MEGF11: variants seen among roughly 807,000 people sequenced by gnomAD.
MEGF11 encodes the protein multiple EGF like domains 11, also known as multiple epidermal growth factor-like domains protein 11.
In MEGF11, 126 loss-of-function variants were observed where a neutral mutation model predicts 146.6. The ratio of observed to expected loss-of-function variants is 0.86; its 90% CI spans 0.74 to 1.00. The LOEUF (loss-of-function observed/expected upper bound fraction) is 1.00, where lower values mean the gene tolerates loss of function less well. MEGF11 is among the 50% of genes least tolerant of loss of function. The probability of loss-of-function intolerance (pLI) is 0.00; values close to 1 mark genes in which losing one functional copy is unlikely to be tolerated. For missense variants in MEGF11, 1,509 were observed against 1,521.2 expected, an observed-to-expected ratio of 0.99 and a Z score of 0.13; for synonymous variants, 532 against 583.4, an observed-to-expected ratio of 0.91 and a Z score of 1.27.
chr15:66,142,236 G>C (rs1282916365), intron 1 of MEGF11, among the ~76,000 whole-genome samples: 1 of 152,174 alleles, frequency 6.6e-6, no homozygotes, highest in Non-Finnish European at 1.5e-5. Context: ...CTTAATTTTA[G>C]GCTTTGCTCA....
intron 5 of MEGF11, among the ~76,000 whole-genome samples, chr15:66,019,596 G>A (rs1421070787): frequency 6.6e-6 from 1 of 152,134 alleles, no homozygotes; most frequent in Non-Finnish European, 1.5e-5. Flanking sequence ...TTCCAGCCCC[G>A]CAGCCAGCAG....
rs28608506 is a variant in MEGF11, at chr15:65,976,404, A to C, written c.762+4374T>G. The stretch of plus-strand genomic sequence containing the variant: ...GAATGTGACTGTATTTGGAAACAGG[A>C]CCTTTACATAGGTAATCAAGTTAAG... On this transcript the variant is annotated intron_variant, in intron 7 of 25. Coordinates refer to ENST00000395614, the MANE Select transcript of MEGF11 (RefSeq NM_001385028.1). 9.9e-3 allele frequency among the ~76,000 whole-genome samples: 1,510 copies of C among 152,252 alleles called. 24 individuals are homozygous for C. The highest frequency in any genetic ancestry group is 0.033 in the African/African-American group (1,362 of 41,546).
intron 15 of MEGF11, among the ~76,000 whole-genome samples, chr15:65,918,795 C>T (rs2079083289): frequency 6.6e-6 from 1 of 152,212 alleles, no homozygotes; most frequent in African/African-American, 2.4e-5. Flanking sequence ...CTGGTTTCCT[C>T]AGTCAGGCTG....
chr15:66,171,059 C>T (rs1355980426), intron 1 of MEGF11, among the ~76,000 whole-genome samples: 2 of 152,218 alleles, frequency 1.3e-5, no homozygotes, highest in Non-Finnish European at 2.9e-5. Flanking sequence ...GAAAAGCACC[C>T]CAGGAAGTCA....
In MEGF11 at chr15:66,128,322, A is replaced by T. The variant is rs1259251022; in HGVS notation, c.82T>A (p.Cys28Ser). 1 of 1,518,650 alleles carries T rather than the reference A, an allele frequency of 6.6e-7. No homozygotes were observed. Among genetic ancestry groups the T allele is most frequent in the Non-Finnish European group, 8.8e-7 (1 of 1,131,884 alleles). 94.1% of individuals were successfully genotyped at this position (1,518,650 alleles called of 1,614,324 possible). A position where few individuals can be genotyped will look rare whatever the true frequency, so the allele number is the denominator to read the frequency against. The change falls in exon 2 of 26, where the codon TGC (cysteine) becomes AGC (serine). Residue 28 changes from cysteine to serine, a missense_variant. Physicochemically the swap from Cys to Ser is moderately radical, Grantham distance 112. Transcript: ENST00000395614. Reference sequence around the variant, plus strand: ...ACACCTTACCTCTCCCAGTGGCTGCACACGTTGGGGTCCTCGGGGTTCAGG... The same window carrying T: ...ACACCTTACCTCTCCCAGTGGCTGCTCACGTTGGGGTCCTCGGGGTTCAGG... ...LALNPEDPNV[C>S]SHWESYAVTV...
intron 5 of MEGF11, among the ~76,000 whole-genome samples, chr15:66,074,030 C>A (rs1156839522): frequency 6.6e-6 from 1 of 152,156 alleles, no homozygotes; most frequent in Non-Finnish European, 1.5e-5. Flanking sequence ...CAGATCTTAA[C>A]ATCCTCCAGT....
chr15:65,986,513 G>A (rs180863100), intron 5 of MEGF11, among the ~76,000 whole-genome samples: 1 of 152,116 alleles, frequency 6.6e-6, no homozygotes, highest in Non-Finnish European at 1.5e-5. Flanking sequence ...CAATGTTAGG[G>A]TTCACAGGGA....
intron 5 of MEGF11, among the ~76,000 whole-genome samples, chr15:66,026,616 T>A (rs530479068): frequency 2.6e-5 from 4 of 152,018 alleles, no homozygotes; most frequent in Non-Finnish European, 5.9e-5. Context: ...CCCAAGTAGC[T>A]GGGATTACAG....
intron 10 of MEGF11, among the ~76,000 whole-genome samples, chr15:65,942,684 T>A (rs1469254279): frequency 1.3e-5 from 2 of 151,910 alleles, no homozygotes; most frequent in Non-Finnish European, 2.9e-5. Flanking sequence ...TGGCCTCATC[T>A]CTCCCTGCTT....
intron 5 of MEGF11, among the ~76,000 whole-genome samples, chr15:66,025,322 G>T (rs142463115): frequency 2.0e-5 from 3 of 152,178 alleles, no homozygotes; most frequent in Middle Eastern, 3.4e-3. Flanking sequence ...TGAGTGGGGG[G>T]GCTCCTCGTG....
intron 9 of MEGF11, among the ~76,000 whole-genome samples, chr15:65,958,320 A>G (rs536443515): frequency 2.6e-5 from 4 of 152,238 alleles, no homozygotes; most frequent in African/African-American, 7.2e-5. Context: ...GCTCTTCTCC[A>G]TCTCCTGTTT....
At chr15:65,972,434 T>A (rs906309703) in intron 7 of MEGF11, among the ~76,000 whole-genome samples, 3 of 152,108 alleles carry the variant, frequency 2.0e-5, no homozygotes, top group Non-Finnish European at 4.4e-5. Flanking sequence ...ACAGGCTAGG[T>A]ATGGTGGCTC....
intron 7 of MEGF11, among the ~76,000 whole-genome samples, chr15:65,977,391 A>C (rs1340503574): frequency 6.6e-6 from 1 of 151,552 alleles, no homozygotes; most frequent in Non-Finnish European, 1.5e-5. Context: ...TCCAGGCCAC[A>C]GGCCGGGAAG....
At chr15:66,146,907 C>T (rs755185960) in intron 1 of MEGF11, among the ~76,000 whole-genome samples, 7 of 152,204 alleles carry the variant, frequency 4.6e-5, no homozygotes, top group Admixed American at 1.3e-4. Context: ...ATCTCCTCTG[C>T]CTTTGTTTTA....
chr15:66,199,818 A>G (rs1382053), intron 1 of MEGF11, among the ~76,000 whole-genome samples: 120,380 of 152,020 alleles, frequency 0.79, 48,214 homozygotes, highest in African/African-American at 0.92. Flanking sequence ...ACAAAAAAAG[A>G]TATGCTAACA....
chr15:66,143,441 C>A (rs1262756182), intron 1 of MEGF11, among the ~76,000 whole-genome samples: 3 of 152,194 alleles, frequency 2.0e-5, no homozygotes, highest in African/African-American at 7.2e-5. Context: ...CCCTGTCCAG[C>A]CCATTCACCA....
intron 21 of MEGF11, chr15:65,910,075 C>A: frequency 1.6e-6 from 1 of 613,492 alleles, no homozygotes; most frequent in East Asian, 3.3e-5. Context: ...GCCAAGCTGG[C>A]CCTGACAGAG....
chr15:66,116,192 G>A (rs2087720726), intron 4 of MEGF11, among the ~76,000 whole-genome samples: 1 of 152,174 alleles, frequency 6.6e-6, no homozygotes, highest in East Asian at 1.9e-4. Flanking sequence ...GAAGCAGGTG[G>A]CAGCATTCTC....
intron 1 of MEGF11, among the ~76,000 whole-genome samples, chr15:66,227,240 T>G (rs2091873532): frequency 6.6e-6 from 1 of 152,116 alleles, no homozygotes; most frequent in Non-Finnish European, 1.5e-5. Context: ...TGCTGCTTAC[T>G]GACGGGATCA....
Sources: gnomAD v4.1 joint callset for allele counts (sites outside exome capture counted in the v4.1 genomes callset) on GRCh38, gnomAD v4.1.1 for gene constraint, MANE v1.5 for transcripts, NCBI Gene and HGNC (gene_info 2026-07-23, HGNC 2026-07-21) for gene names.